SLC35F4: variants seen among roughly 807,000 people sequenced by gnomAD.
SLC35F4 encodes chromosome 14 open reading frame 36.
A neutral mutation model predicts 44.2 loss-of-function variants in SLC35F4; 24 were observed. The observed-to-expected ratio is 0.54, with a 90% confidence interval of 0.39 to 0.76. The LOEUF (loss-of-function observed/expected upper bound fraction) is 0.76, where lower values mean the gene tolerates loss of function less well. SLC35F4 is among the 30% of genes least tolerant of loss of function. The probability of loss-of-function intolerance (pLI) is 0.00; values close to 1 mark genes in which losing one functional copy is unlikely to be tolerated. For missense variants in SLC35F4, 562 were observed against 586.1 expected (o/e 0.96, Z 0.42); for synonymous variants, 238 against 223.6 (o/e 1.06, Z -0.57).
intron 1 of SLC35F4, among the ~76,000 whole-genome samples, chr14:57,618,021 T>C (rs552868910): frequency 3.8e-4 from 58 of 152,302 alleles, no homozygotes; most frequent in African/African-American, 1.3e-3. Context: ...TGTCTTATGA[T>C]GAGAGTTGTT....
intron 4 of SLC35F4, among the ~76,000 whole-genome samples, chr14:57,575,563 C>A (rs925963424): frequency 1.3e-5 from 2 of 152,180 alleles, no homozygotes; most frequent in African/African-American, 4.8e-5. Context: ...TGTTAGTAAC[C>A]ATAGTGACCA....
chr14:57,944,220 A>C (rs1043168653), intron 1 of SLC35F4, among the ~76,000 whole-genome samples: 4 of 152,172 alleles, frequency 2.6e-5, no homozygotes, highest in Non-Finnish European at 4.4e-5. Context: ...CTACTTATCC[A>C]ATTCATTTTA....
At chr14:57,719,415 T>C (rs532141513) in intron 1 of SLC35F4, among the ~76,000 whole-genome samples, 5 of 152,234 alleles carry the variant, frequency 3.3e-5, no homozygotes, top group Non-Finnish European at 5.9e-5. Flanking sequence ...TTGGGTAGTA[T>C]GGACATTTTA....
intron 1 of SLC35F4, among the ~76,000 whole-genome samples, chr14:57,608,298 G>A (rs949448152): frequency 6.6e-6 from 1 of 152,172 alleles, no homozygotes; most frequent in Non-Finnish European, 1.5e-5. Flanking sequence ...CTTTACAGAG[G>A]TGATCAAATT....
chr14:57,889,177 G>T (rs1247622334), intron 1 of SLC35F4, among the ~76,000 whole-genome samples: 2 of 152,166 alleles, frequency 1.3e-5, no homozygotes, highest in Non-Finnish European at 2.9e-5. Context: ...TGGCTTCCTG[G>T]GGCAGTTCAT....
chr14:57,800,278 G>A (rs1324350617), intron 1 of SLC35F4, among the ~76,000 whole-genome samples: 7 of 152,166 alleles, frequency 4.6e-5, no homozygotes, highest in Admixed American at 2.0e-4. Context: ...CTGCAGTAGA[G>A]TGGCCTGACT....
intron 1 of SLC35F4, among the ~76,000 whole-genome samples, chr14:57,658,467 A>G (rs572540019): frequency 6.6e-6 from 1 of 152,326 alleles, no homozygotes; most frequent in East Asian, 1.9e-4. Flanking sequence ...CCAGGTCTGC[A>G]TATATTTGAG....
chr14:57,723,496 G>A (rs2076133772), intron 1 of SLC35F4, among the ~76,000 whole-genome samples: 1 of 152,218 alleles, frequency 6.6e-6, no homozygotes, highest in African/African-American at 2.4e-5. Flanking sequence ...ATGGATCTTG[G>A]AGAATGACAG....
intron 1 of SLC35F4, among the ~76,000 whole-genome samples, chr14:57,803,483 G>C (rs2347366): frequency 0.41 from 62,571 of 151,796 alleles, 13,959 homozygotes; most frequent in African/African-American, 0.58. Context: ...ATAAGTAAAG[G>C]GTATTCAAAT....
At chr14:57,598,517 T>G (rs1429741505) in intron 1 of SLC35F4, among the ~76,000 whole-genome samples, 1 of 152,178 alleles carries the variant, frequency 6.6e-6, no homozygotes, top group African/African-American at 2.4e-5. Flanking sequence ...AGTTCTCAGA[T>G]AACAACTTGA....
At chr14:57,701,796 C>T (rs1020324282) in intron 1 of SLC35F4, among the ~76,000 whole-genome samples, 4 of 152,148 alleles carry the variant, frequency 2.6e-5, no homozygotes, top group Admixed American at 2.0e-4. Context: ...TAACAACCTA[C>T]TATAATAAAA....
intron 1 of SLC35F4, among the ~76,000 whole-genome samples, chr14:57,625,444 A>C (rs1359753602): frequency 6.6e-6 from 1 of 152,230 alleles, no homozygotes; most frequent in Admixed American, 6.5e-5. Flanking sequence ...AGAATTGGAA[A>C]AAACTACTTT....
chr14:57,716,204 A>C (rs1489969050), intron 1 of SLC35F4, among the ~76,000 whole-genome samples: 1 of 152,180 alleles, frequency 6.6e-6, no homozygotes, highest in Non-Finnish European at 1.5e-5. Context: ...GTCTCAACTT[A>C]AGTAAACCCT....
chr14:57,573,933 C>G (rs1437707339), intron 4 of SLC35F4, among the ~76,000 whole-genome samples: 1 of 152,138 alleles, frequency 6.6e-6, no homozygotes, highest in African/African-American at 2.4e-5. Context: ...ACTGTAAATC[C>G]TAACGAACTT....
At chr14:57,585,764 A>AACTT (rs2069667991) in intron 3 of SLC35F4, among the ~76,000 whole-genome samples, 1 of 152,282 alleles carries the variant, frequency 6.6e-6, no homozygotes, top group South Asian at 2.1e-4. Context: ...CTAAGAATAC[A>AACTT]ACTTACTTAC....
chr14:57,697,009 C>G (rs542149801), intron 1 of SLC35F4, among the ~76,000 whole-genome samples: 1 of 152,152 alleles, frequency 6.6e-6, no homozygotes, highest in Non-Finnish European at 1.5e-5. Flanking sequence ...ATAGGTGCAG[C>G]AAACTACCAT....
At chr14:57,951,827 C>A (rs556002644) in intron 1 of SLC35F4, among the ~76,000 whole-genome samples, 21 of 152,352 alleles carry the variant, frequency 1.4e-4, no homozygotes, top group Admixed American at 1.2e-3. Flanking sequence ...TGGGACAGAG[C>A]ACCAGAGGGA....
At chr14:57,720,151 T>C (rs1019745873) in intron 1 of SLC35F4, among the ~76,000 whole-genome samples, 26 of 152,228 alleles carry the variant, frequency 1.7e-4, no homozygotes, top group African/African-American at 5.5e-4. Flanking sequence ...GCAAATATCA[T>C]TGAACCTTCC....
chr14:57,763,112 G>A (rs1203288748), intron 1 of SLC35F4, among the ~76,000 whole-genome samples: 1 of 152,072 alleles, frequency 6.6e-6, no homozygotes, highest in Non-Finnish European at 1.5e-5. Flanking sequence ...AGTTCTCTTT[G>A]AACTAGCTTT....
Sources: gnomAD v4.1 joint callset for allele counts (sites outside exome capture counted in the v4.1 genomes callset) on GRCh38, gnomAD v4.1.1 for gene constraint, MANE v1.5 for transcripts, NCBI Gene and HGNC (gene_info 2026-07-23, HGNC 2026-07-21) for gene names.